The following NDUFA9 variants were observed in gnomAD, a reference collection of about 807,000 sequenced individuals.
The protein encoded by NDUFA9 is NADH dehydrogenase [ubiquinone] 1 alpha subcomplex subunit 9, mitochondrial.
In NDUFA9, 23 loss-of-function variants were observed where a neutral mutation model predicts 45.9. The observed-to-expected ratio is 0.50, with a 90% CI of 0.36 to 0.71. The LOEUF (loss-of-function observed/expected upper bound fraction) is 0.71. Ranked by LOEUF, NDUFA9 falls within the 30% of genes least tolerant of loss-of-function variation. The pLI is 0.00. For missense variants in NDUFA9, 466 were observed against 488.2 expected (o/e 0.95, Z 0.43); for synonymous variants, 176 against 170.5 (o/e 1.03, Z -0.25).
At chr12:4,667,327 T>C (rs1433273405) in intron 6 of NDUFA9, among the ~76,000 whole-genome samples, 1 of 152,156 alleles carries the variant, frequency 6.6e-6, no homozygotes, top group African/African-American at 2.4e-5. Context: ...ATTTAAACCA[T>C]AGCAACATCC....
chr12:4,670,621 C>T (rs1318955965), intron 8 of NDUFA9, among the ~76,000 whole-genome samples: 2 of 152,174 alleles, frequency 1.3e-5, no homozygotes, highest in Non-Finnish European at 2.9e-5. Flanking sequence ...AATTCTGAAT[C>T]TATACATTGT....
intron 6 of NDUFA9, among the ~76,000 whole-genome samples, chr12:4,663,984 G>GAACATC (rs1945838632): frequency 6.6e-6 from 1 of 152,198 alleles, no homozygotes; most frequent in Non-Finnish European, 1.5e-5. Context: ...TGTTCTAGTG[G>GAACATC]AAGGTAGAAC....
At chr12:4,667,036 A>C (rs1945857091) in intron 6 of NDUFA9, among the ~76,000 whole-genome samples, 1 of 152,178 alleles carries the variant, frequency 6.6e-6, no homozygotes, top group Non-Finnish European at 1.5e-5. Flanking sequence ...AAGAAGAGAA[A>C]TTTATTTCCA....
chr12:4,668,599 T>C, intron 7 of NDUFA9, 75 bp downstream of exon 7: 2 of 1,345,164 alleles, frequency 1.5e-6, no homozygotes, highest in Non-Finnish European at 2.1e-6. Context: ...TTTCTGGTTT[T>C]GTCCTAATTT....
At chr12:4,654,190 C>A in intron 1 of NDUFA9, 102 bp from the exon 2 acceptor site, 1 of 1,174,916 alleles carries the variant, frequency 8.5e-7, no homozygotes, top group Non-Finnish European at 1.2e-6. Flanking sequence ...GTACTGATTG[C>A]AAAATAATGT....
At chr12:4,686,414 A>T (rs1379567140) in intron 10 of NDUFA9, among the ~76,000 whole-genome samples, 1 of 150,428 alleles carries the variant, frequency 6.6e-6, no homozygotes, top group Non-Finnish European at 1.5e-5. Context: ...TGGAGCAAAA[A>T]AAGTTACTTG....
intron 9 of NDUFA9, among the ~76,000 whole-genome samples, chr12:4,682,516 C>T (rs1945959731): frequency 6.6e-6 from 1 of 152,214 alleles, no homozygotes; most frequent in Non-Finnish European, 1.5e-5. Flanking sequence ...AAAAGTGAAT[C>T]TTCCCACTTC....
intron 8 of NDUFA9, among the ~76,000 whole-genome samples, chr12:4,672,370 G>T (rs996148406): frequency 6.6e-6 from 1 of 152,160 alleles, no homozygotes; most frequent in Non-Finnish European, 1.5e-5. Flanking sequence ...CACCTGGAAC[G>T]CCAGTGAGAC....
At position 4,694,037 on chromosome 12, in the gene NDUFA9, A is replaced by G. The variant is rs1294341042; in HGVS notation, c.*6929A>G. 6.6e-6 allele frequency: 1 copy of G among 152,196 alleles called. No individual in the cohort carries two copies. Among genetic ancestry groups the G allele is most frequent in the Middle Eastern group, 3.2e-3 (1 of 316 alleles). 9.4% of individuals were successfully genotyped at this position (152,196 alleles called of 1,614,324 possible). On this transcript the variant is annotated 3_prime_UTR_variant, in exon 11 of 11. Coordinates refer to ENST00000266544, the MANE Select transcript of NDUFA9 (RefSeq NM_005002.5). Reference sequence around the variant, plus strand: ...CAGTGGAAAACTATGCATTGTCTGGAATCTAGACTCTGGACAAAGACCCTT... The same window carrying G: ...CAGTGGAAAACTATGCATTGTCTGGGATCTAGACTCTGGACAAAGACCCTT...
At position 4,657,859 on chromosome 12, in the gene NDUFA9, T is replaced by A; in HGVS notation, c.410+20T>A. ...AACCAAGTAAGTCTTTGACTCTTGT[T>A]TCTTCTTTGCTTAAGTCTTTCTTAG... is the stretch of plus-strand genomic sequence containing the variant. On this transcript the variant is annotated intron_variant, in intron 4 of 10. Coordinates refer to ENST00000266544, the MANE Select transcript of NDUFA9 (RefSeq NM_005002.5). The A allele has an allele frequency of 6.3e-7, 1 of 1,578,750 alleles. No individual in the cohort carries two copies. The highest frequency in any genetic ancestry group is 8.7e-7 in the Non-Finnish European group (1 of 1,147,970).
chr12:4,652,536 TC>T (rs1945765726), intron 1 of NDUFA9, among the ~76,000 whole-genome samples: 1 of 152,198 alleles, frequency 6.6e-6, no homozygotes, highest in African/African-American at 2.4e-5. Flanking sequence ...TCTGTCCTCT[TC>T]CTACTTCACT....
chr12:4,654,465 A>ACC lies in NDUFA9; in HGVS notation c.220+3_220+4insCC. ...GCGATATGTTGTCAACCACCTTGGT[A>ACC]AGTAAAGTTCCTTAAGTTCATATGC... On this transcript the variant is annotated splice_donor_region_variant and intron_variant, in intron 2 of 10. Coordinates refer to ENST00000266544, the MANE Select transcript of NDUFA9 (RefSeq NM_005002.5). 1.2e-6 allele frequency: 2 copies of ACC among 1,613,966 alleles called. No homozygotes were observed. Among genetic ancestry groups the ACC allele is most frequent in the Non-Finnish European group, 1.7e-6 (2 of 1,179,874 alleles).
chr12:4,652,364 G>A (rs1250502230), intron 1 of NDUFA9, among the ~76,000 whole-genome samples: 3 of 152,142 alleles, frequency 2.0e-5, no homozygotes, highest in Non-Finnish European at 4.4e-5. Context: ...GTTTTCTCTA[G>A]TTCCATTTCT....
intron 6 of NDUFA9, among the ~76,000 whole-genome samples, chr12:4,665,000 T>C (rs915201500): frequency 6.6e-6 from 1 of 152,220 alleles, no homozygotes; most frequent in Non-Finnish European, 1.5e-5. Context: ...TTTCACATGT[T>C]CATAGTTAGG....
chr12:4,664,259 G>A (rs915561370), intron 6 of NDUFA9, among the ~76,000 whole-genome samples: 1 of 152,146 alleles, frequency 6.6e-6, no homozygotes, highest in Admixed American at 6.5e-5. Flanking sequence ...AGAGATTGTG[G>A]ATGCGACTCA....
intron 7 of NDUFA9, among the ~76,000 whole-genome samples, chr12:4,669,024 A>G (rs1382685626): frequency 6.6e-6 from 1 of 152,228 alleles, no homozygotes; most frequent in Non-Finnish European, 1.5e-5. Context: ...ATGCAGAGGG[A>G]ACAGTATATA....
chr12:4,676,609 A>G (rs778801993), intron 8 of NDUFA9, among the ~76,000 whole-genome samples: 6 of 152,216 alleles, frequency 3.9e-5, no homozygotes, highest in Admixed American at 2.6e-4. Context: ...GACCTATTCA[A>G]GGAGAACTAC....
intron 4 of NDUFA9, 34 bp from the exon 5 acceptor site, chr12:4,659,002 T>G: frequency 1.3e-6 from 2 of 1,596,778 alleles, no homozygotes; most frequent in Non-Finnish European, 1.7e-6. Flanking sequence ...GTGTGTGGAG[T>G]TCTTAACCAA....
intron 10 of NDUFA9, 24 bp from the exon 11 acceptor site, chr12:4,686,914 C>A (rs766640819): frequency 5.0e-6 from 8 of 1,610,124 alleles, no homozygotes; most frequent in Non-Finnish European, 6.8e-6. Flanking sequence ...TCAGCATTGT[C>A]TGTGGTCCTT....
Sources: allele counts gnomAD v4.1 joint callset (sites outside exome capture counted in the v4.1 genomes callset), GRCh38; gene constraint gnomAD v4.1.1; transcripts MANE v1.5; gene names NCBI Gene and HGNC (gene_info 2026-07-23, HGNC 2026-07-21).